Variants in LRP1B observed in about 807,000 individuals in gnomAD.
LRP1B encodes the protein LDL receptor related protein 1B, also known as low-density lipoprotein receptor-related protein 1B.
In LRP1B, 217 loss-of-function variants were observed where a neutral mutation model predicts 556.6. That is an observed-to-expected ratio of 0.39 (90% confidence interval 0.35 to 0.44). The LOEUF is 0.44. Among genes scored for constraint, LRP1B ranks in the 20% least tolerant of loss-of-function variants. LRP1B has a pLI of 1.00. For missense variants in LRP1B, 5,053 were observed against 5,620.8 expected (o/e 0.90, Z 3.23); for synonymous variants, 2,047 against 1,865.8 (o/e 1.10, Z -2.50).
chr2:141,792,133 T>C (rs1695634942), intron 2 of LRP1B, among the ~76,000 whole-genome samples: 1 of 152,108 alleles, frequency 6.6e-6, no homozygotes, highest in African/African-American at 2.4e-5. Flanking sequence ...TAGTATTCAC[T>C]TTGTTTATAT....
intron 84 of LRP1B, among the ~76,000 whole-genome samples, chr2:140,294,508 AG>A (rs1311736611): frequency 3.3e-5 from 5 of 152,202 alleles, no homozygotes; most frequent in African/African-American, 1.2e-4. Flanking sequence ...TCAGAAGAGG[AG>A]GGAGAGGTTG....
chr2:140,858,723 C>A (rs1307100738), intron 27 of LRP1B, among the ~76,000 whole-genome samples: 1 of 151,958 alleles, frequency 6.6e-6, no homozygotes, highest in Non-Finnish European at 1.5e-5. Flanking sequence ...TTTCCTGATG[C>A]TCTCTCTCCC....
At chr2:140,549,044 C>T (rs1271521988) in intron 43 of LRP1B, among the ~76,000 whole-genome samples, 1 of 152,160 alleles carries the variant, frequency 6.6e-6, no homozygotes, top group African/African-American at 2.4e-5. Context: ...AAATTAACTG[C>T]TAATTACCCT....
chr2:140,868,064 A>G (rs767560391), intron 26 of LRP1B, 35 bp downstream of exon 26: 18 of 1,563,560 alleles, frequency 1.2e-5, no homozygotes, highest in Non-Finnish European at 1.4e-5. Flanking sequence ...ATCTAAGTAA[A>G]AAAAAAAATA....
Position 140,270,065 on chromosome 2 carries a change from G to A in LRP1B, c.13247+177C>T, listed in dbSNP as rs184749956. On this transcript the variant is annotated intron_variant, in intron 86 of 90. Transcript: ENST00000389484. ...TGAGCTCTTCCTCATGAAATCATTAGCAATTTGATGAAAGGAGATTCTGCA... is the reference window on the plus strand; with the variant it reads ...TGAGCTCTTCCTCATGAAATCATTAACAATTTGATGAAAGGAGATTCTGCA... 6.2e-4 allele frequency among the ~76,000 whole-genome samples: 94 copies of A among 151,992 alleles called. 1 individual carries two copies. Among genetic ancestry groups the A allele is most frequent in the Admixed American group, 1.8e-3 (27 of 15,222 alleles).
In LRP1B at chr2:140,325,750, C is replaced by A. The variant is rs1414210808; in HGVS notation, c.12340+12G>T. ...TAACAATTAAAAATGAAGACAAAAG[C>A]ACTTCACAAACCTTGTTTGCTGCTG... On this transcript the variant is annotated intron_variant, in intron 80 of 90. Transcript: ENST00000389484. 6.5e-7 allele frequency: 1 copy of A among 1,546,230 alleles called. No homozygotes were observed. Among genetic ancestry groups the A allele is most frequent in the Non-Finnish European group, 8.9e-7 (1 of 1,123,376 alleles).
At chr2:141,020,793 AC>A (rs1698042542) in intron 11 of LRP1B, among the ~76,000 whole-genome samples, 1 of 151,940 alleles carries the variant, frequency 6.6e-6, no homozygotes, top group Admixed American at 6.6e-5. Context: ...CCTAATTCAA[AC>A]CCTTTATTTT....
intron 2 of LRP1B, among the ~76,000 whole-genome samples, chr2:141,628,323 A>C (rs1449452011): frequency 6.6e-6 from 1 of 152,180 alleles, no homozygotes; most frequent in Non-Finnish European, 1.5e-5. Context: ...GAAAGAAGGT[A>C]GGTCTCAGAA....
At chr2:141,353,854 C>T (rs572273581) in intron 3 of LRP1B, among the ~76,000 whole-genome samples, 49 of 152,090 alleles carry the variant, frequency 3.2e-4, no homozygotes, top group African/African-American at 1.1e-3. Flanking sequence ...CTATCCTAAA[C>T]ATTGAGAATT....
At chr2:140,620,025 C>T (rs1190300516) in intron 41 of LRP1B, among the ~76,000 whole-genome samples, 1 of 152,060 alleles carries the variant, frequency 6.6e-6, no homozygotes, top group East Asian at 1.9e-4. Flanking sequence ...ATTTTTCTTT[C>T]TCTTTTGTCT....
intron 41 of LRP1B, among the ~76,000 whole-genome samples, chr2:140,655,700 T>C (rs900577012): frequency 1.3e-5 from 2 of 152,128 alleles, no homozygotes; most frequent in Admixed American, 6.5e-5. Flanking sequence ...CCCAGCACTT[T>C]GGGGGGCCGA....
chr2:140,602,001 G>A (rs1272610923), intron 41 of LRP1B, among the ~76,000 whole-genome samples: 1 of 152,010 alleles, frequency 6.6e-6, no homozygotes, highest in Admixed American at 6.6e-5. Context: ...CCTTATGTCA[G>A]CAATACGACT....
chr2:140,732,711 T>G (rs1432050399), intron 35 of LRP1B, among the ~76,000 whole-genome samples: 1 of 151,692 alleles, frequency 6.6e-6, no homozygotes, highest in Non-Finnish European at 1.5e-5. Context: ...AAAAAAAAAT[T>G]AAAGATCTCC....
intron 3 of LRP1B, among the ~76,000 whole-genome samples, chr2:141,466,223 G>A (rs1357946753): frequency 6.6e-6 from 1 of 152,104 alleles, no homozygotes; most frequent in Non-Finnish European, 1.5e-5. Context: ...TATCTTGAAG[G>A]AGTCAGTGAT....
At chr2:141,537,798 A>T (rs965582573) in intron 2 of LRP1B, among the ~76,000 whole-genome samples, 2 of 152,162 alleles carry the variant, frequency 1.3e-5, no homozygotes, top group African/African-American at 4.8e-5. Context: ...GAAATATTCC[A>T]GGACCTCATT....
intron 41 of LRP1B, among the ~76,000 whole-genome samples, chr2:140,690,167 A>G (rs963688309): frequency 1.3e-5 from 2 of 152,074 alleles, no homozygotes; most frequent in African/African-American, 4.8e-5. Flanking sequence ...AGAAGAAGAA[A>G]GCACCGAGAA....
intron 33 of LRP1B, among the ~76,000 whole-genome samples, chr2:140,772,599 GC>G (rs920687240): frequency 2.6e-5 from 4 of 152,068 alleles, no homozygotes; most frequent in Non-Finnish European, 4.4e-5. Context: ...ATGAGTCACT[GC>G]CCCCAGCCTA....
At chr2:140,330,420 A>G (rs1469287212) in intron 79 of LRP1B, among the ~76,000 whole-genome samples, 3 of 151,928 alleles carry the variant, frequency 2.0e-5, no homozygotes, top group Admixed American at 6.6e-5. Context: ...ATAAGACTGC[A>G]CATTTACAAC....
intron 35 of LRP1B, among the ~76,000 whole-genome samples, chr2:140,728,742 G>A (rs12473427): frequency 0.48 from 73,214 of 151,802 alleles, 18,916 homozygotes; most frequent in Non-Finnish European, 0.59. Flanking sequence ...ATGAATAGAG[G>A]GATGTAGCAT....
Sources: allele counts gnomAD v4.1 joint callset (sites outside exome capture counted in the v4.1 genomes callset), GRCh38; gene constraint gnomAD v4.1.1; transcripts MANE v1.5; gene names NCBI Gene and HGNC (gene_info 2026-07-23, HGNC 2026-07-21).